The following ZNF148 variants were observed in gnomAD, a reference collection of about 807,000 sequenced individuals.
ZNF148 encodes Beta-Enolase Repressor Factor-1.
Under a neutral mutation model 67.7 loss-of-function variants are expected in ZNF148, and 7 were observed. The ratio of observed to expected loss-of-function variants is 0.10; its 90% CI spans 0.06 to 0.19. The LOEUF (loss-of-function observed/expected upper bound fraction) is 0.19. ZNF148 is among the 10% of genes least tolerant of loss of function. The probability of loss-of-function intolerance (pLI) is 1.00; values close to 1 mark genes in which losing one functional copy is unlikely to be tolerated. For missense variants in ZNF148, 583 were observed against 947.1 expected (o/e 0.62, Z 5.05); for synonymous variants, 333 against 330.7 (o/e 1.01, Z -0.08).
chr3:125,307,487 G>A (rs1011411807), intron 4 of ZNF148, among the ~76,000 whole-genome samples: 1 of 152,008 alleles, frequency 6.6e-6, no homozygotes, highest in Non-Finnish European at 1.5e-5. Context: ...TATTTTTTTA[G>A]TTGAGACGGG....
chr3:125,307,145 G>A (rs187015144), intron 4 of ZNF148, among the ~76,000 whole-genome samples: 12 of 151,686 alleles, frequency 7.9e-5, no homozygotes, highest in East Asian at 1.9e-4. Context: ...AAAAAAGGAC[G>A]ATACATCATG....
intron 7 of ZNF148, among the ~76,000 whole-genome samples, chr3:125,257,080 T>C (rs1937120525): frequency 6.6e-6 from 1 of 151,298 alleles, no homozygotes; most frequent in Admixed American, 6.6e-5. Context: ...AGTAACAGTT[T>C]AAAAACTCTA....
Position 125,233,115 on chromosome 3 carries a change from T to G in ZNF148, c.1611A>C (p.Pro537=), listed in dbSNP as rs370019372. The part of the protein sequence containing the change: ...IKSNHDKNVI[P]DEVLQTLLDH... The stretch of plus-strand genomic sequence containing the variant: ...CCAACAGAGTCTGCAGTACCTCATC[T>G]GGAATAACATTTTTGTCATGATTAC... Residue 537 remains proline (P), a synonymous_variant, in exon 9 of 9, where the codon CCA becomes CCC. Coordinates refer to ENST00000360647, the MANE Select transcript of ZNF148 (RefSeq NM_021964.3). This position sits in a 1 kb window ranked among gnomAD's most constrained non-coding sequence, Gnocchi z 5.1. The G allele has an allele frequency of 6.2e-7, 1 of 1,613,810 alleles. No homozygotes were observed. The highest frequency in any genetic ancestry group is 2.2e-5 in the East Asian group (1 of 44,880).
In ZNF148 at chr3:125,233,147, T is replaced by C; in HGVS notation, c.1579A>G (p.Ile527Val). 2 of 1,613,904 alleles carry C rather than the reference T, an allele frequency of 1.2e-6. No homozygotes were observed. The highest frequency in any genetic ancestry group is 1.7e-6 in the Non-Finnish European group (2 of 1,179,892). ...ACATTTTTGTCATGATTACTCTTAA[T>C]CTCCACATTCAGTGCCTGTGACTCT... ...ILESQALNVEIKSNHDKNVIP... is the reference protein window; with the variant it reads ...ILESQALNVEVKSNHDKNVIP... The change falls in exon 9 of 9, where the codon ATT (isoleucine) becomes GTT (valine). Residue 527 changes from isoleucine to valine, a missense_variant. Ile to Val is a conservative substitution (Grantham distance 29, BLOSUM62 3). Around this residue, in one of 5 missense-constraint regions of ZNF148, gnomAD observed 172 missense variants for 307.7 expected, o/e 0.56. Transcript: ENST00000360647. The surrounding 1 kb of genome is among the most constrained non-coding windows in gnomAD (Gnocchi z 5.1).
At chr3:125,272,129 CTT>C (rs1937777246) in intron 7 of ZNF148, among the ~76,000 whole-genome samples, 1 of 152,210 alleles carries the variant, frequency 6.6e-6, no homozygotes. Context: ...CAAATTCACT[CTT>C]GAGATCACTT....
In ZNF148 at chr3:125,233,865, T is replaced by A; in HGVS notation, c.861A>T (p.Arg287Ser). The A allele has an allele frequency of 6.2e-7, 1 of 1,613,202 alleles. No homozygotes were observed. Among genetic ancestry groups the A allele is most frequent in the Non-Finnish European group, 8.5e-7 (1 of 1,179,790 alleles). ...TCAGAAGGCCACCTTTGATGGCACATCTATTTAGTTTTTTGTCATGATTTT... is the reference window on the plus strand; with the variant it reads ...TCAGAAGGCCACCTTTGATGGCACAACTATTTAGTTTTTTGTCATGATTTT... ...CHENHDKKLN[R>S]CAIKGGLLTS... Residue 287 changes from arginine to serine, a missense_variant, in exon 9 of 9, where the codon AGA (arginine) becomes AGT (serine). Arg to Ser is a moderately radical substitution (Grantham distance 110, BLOSUM62 -1). Coordinates refer to ENST00000360647, the MANE Select transcript of ZNF148 (RefSeq NM_021964.3). The surrounding 1 kb of genome is among the most constrained non-coding windows in gnomAD (Gnocchi z 5.1).
intron 1 of ZNF148, among the ~76,000 whole-genome samples, chr3:125,373,290 C>G (rs1942949653): frequency 6.7e-6 from 1 of 150,216 alleles, no homozygotes; most frequent in African/African-American, 2.4e-5. Context: ...GGGGTTTCAC[C>G]ATGTTGGCGA....
chr3:125,243,327 T>G (rs1048413521), intron 7 of ZNF148, among the ~76,000 whole-genome samples: 2 of 152,250 alleles, frequency 1.3e-5, no homozygotes, highest in African/African-American at 4.8e-5. Context: ...TATGGTTTTC[T>G]GCTATTTTAA....
chr3:125,344,110 TA>T, intron 1 of ZNF148: 1 of 210,496 alleles, frequency 4.8e-6, no homozygotes, highest in Non-Finnish European at 9.6e-6. Context: ...CAGCTGCTCC[TA>T]ACCCTGTATG....
chr3:125,234,197 G>T lies in ZNF148; in HGVS notation c.786+14C>A, dbSNP rs777472163. 47 of 1,508,578 alleles carry T rather than the reference G, an allele frequency of 3.1e-5. No homozygotes were observed. The highest frequency in any genetic ancestry group is 4.0e-5 in the Non-Finnish European group (44 of 1,093,440). The allele number at this position is 1,508,578 out of a possible 1,614,324, so 93.4% of individuals were successfully genotyped here. A position where few individuals can be genotyped will look rare whatever the true frequency, so the allele number is the denominator to read the frequency against. On this transcript the variant is annotated intron_variant, in intron 8 of 8. Coordinates refer to ENST00000360647, the MANE Select transcript of ZNF148 (RefSeq NM_021964.3). ...TTTAATTACAGTAGAAGAATTTCAA[G>T]CCATCTCTCTTACCTGTAAACAGTA...
chr3:125,328,738 T>C, intron 2 of ZNF148, among the ~76,000 whole-genome samples: 1 of 151,846 alleles, frequency 6.6e-6, no homozygotes. Flanking sequence ...AATTGGTAAC[T>C]GAAAACACAC....
chr3:125,291,796 A>G (rs1239928971), intron 4 of ZNF148, among the ~76,000 whole-genome samples: 1 of 152,172 alleles, frequency 6.6e-6, no homozygotes. Context: ...AATTTAGAGA[A>G]ATGGTTGTTC....
At chr3:125,368,888 T>G (rs1318220398) in intron 1 of ZNF148, among the ~76,000 whole-genome samples, 1 of 151,754 alleles carries the variant, frequency 6.6e-6, no homozygotes, top group Non-Finnish European at 1.5e-5. Context: ...GAGGTTGCAG[T>G]GAGCCAAGAT....
chr3:125,271,934 G>A (rs1937763084), intron 7 of ZNF148, among the ~76,000 whole-genome samples: 1 of 152,128 alleles, frequency 6.6e-6, no homozygotes, highest in Non-Finnish European at 1.5e-5. Flanking sequence ...GCTACCCTGT[G>A]TGTGTTTCTG....
At chr3:125,322,010 G>A (rs1331527093) in intron 3 of ZNF148, among the ~76,000 whole-genome samples, 1 of 127,732 alleles carries the variant, frequency 7.8e-6, no homozygotes, top group East Asian at 2.2e-4. Flanking sequence ...AAAGTTAACT[G>A]TTTAAATAAT....
At chr3:125,338,275 C>T (rs1051482503) in intron 1 of ZNF148, among the ~76,000 whole-genome samples, 8 of 151,992 alleles carry the variant, frequency 5.3e-5, no homozygotes, top group Middle Eastern at 3.4e-3. Flanking sequence ...AATGTAACAC[C>T]AATAGACATA....
rs1480045369 is a variant in ZNF148, at chr3:125,230,454, A to C, written c.*1887T>G. On this transcript the variant is annotated 3_prime_UTR_variant, in exon 9 of 9. Transcript: ENST00000360647. ...ACTTTGGCAGCAAAGAAAGCTGTCA[A>C]ACGGGAAAACTACTATTTCAAGCAA... 6.6e-6 allele frequency: 1 copy of C among 152,572 alleles called. No individual in the cohort carries two copies. Among genetic ancestry groups the C allele is most frequent in the African/African-American group, 2.4e-5 (1 of 41,442 alleles). The allele number at this position is 152,572 out of a possible 1,614,324, so 9.5% of individuals were successfully genotyped here. A position where few individuals can be genotyped will look rare whatever the true frequency, so the allele number is the denominator to read the frequency against.
At chr3:125,253,109 G>A (rs1936916832) in intron 7 of ZNF148, among the ~76,000 whole-genome samples, 1 of 152,074 alleles carries the variant, frequency 6.6e-6, no homozygotes, top group Non-Finnish European at 1.5e-5. Context: ...TCAGTTAGTA[G>A]GATAGACTAA....
At chr3:125,331,270 C>T in intron 1 of ZNF148, 32 bp from the exon 2 acceptor site, 1 of 398,402 alleles carries the variant, frequency 2.5e-6, no homozygotes, top group Non-Finnish European at 4.4e-6. Flanking sequence ...GGTTAACCCC[C>T]AAAAGAATCA....
Sources: gnomAD v4.1 joint callset for allele counts (sites outside exome capture counted in the v4.1 genomes callset) on GRCh38, gnomAD v4.1.1 for gene constraint, gnomAD v4.1.1 regional missense constraint, Gnocchi (gnomAD v3.1) non-coding constraint, MANE v1.5 for transcripts, NCBI Gene and HGNC (gene_info 2026-07-23, HGNC 2026-07-21) for gene names.